The following IARS2 variants were observed in gnomAD, a reference collection of about 807,000 sequenced individuals.
The protein encoded by IARS2 is isoleucine--tRNA ligase, mitochondrial.
Under a neutral mutation model 126.3 loss-of-function variants are expected in IARS2, and 56 were observed. The ratio of observed to expected loss-of-function variants is 0.44; its 90% CI spans 0.36 to 0.55. The LOEUF is 0.55. Among genes scored for constraint, IARS2 ranks in the 20% least tolerant of loss-of-function variants. IARS2 has a pLI of 0.00. For synonymous variants in IARS2, 407 were observed against 441.1 expected (o/e 0.92, Z 0.97); for missense variants, 1,127 against 1,245.9 (o/e 0.90, Z 1.44).
intron 14 of IARS2, among the ~76,000 whole-genome samples, chr1:220,134,186 A>G (rs1216248194): frequency 1.3e-5 from 2 of 152,208 alleles, no homozygotes; most frequent in African/African-American, 2.4e-5. Flanking sequence ...ATTTCAGTAC[A>G]TCATTTCAGA....
At chr1:220,100,737 G>T in intron 3 of IARS2, 88 bp downstream of exon 3, 3 of 1,050,478 alleles carry the variant, frequency 2.9e-6, no homozygotes, top group Non-Finnish European at 2.7e-6. Context: ...GGAACCTTTT[G>T]TTTGGGTTTC....
intron 1 of IARS2, among the ~76,000 whole-genome samples, chr1:220,095,493 T>C (rs1656419814): frequency 6.6e-6 from 1 of 152,258 alleles, no homozygotes; most frequent in African/African-American, 2.4e-5. Context: ...TAAAGGTTTT[T>C]TAGTCAATAC....
At chr1:220,141,575 A>T (rs950842310) in intron 19 of IARS2, among the ~76,000 whole-genome samples, 1 of 152,222 alleles carries the variant, frequency 6.6e-6, no homozygotes, top group African/African-American at 2.4e-5. Flanking sequence ...TCTAGTTGTC[A>T]TCCACCTGAG....
chr1:220,127,581 T>A (rs1164946458), intron 14 of IARS2, among the ~76,000 whole-genome samples: 1 of 152,152 alleles, frequency 6.6e-6, no homozygotes, highest in Non-Finnish European at 1.5e-5. Flanking sequence ...AGGGATGAGA[T>A]GTCACGGAGG....
intron 19 of IARS2, 78 bp from the exon 20 acceptor site, chr1:220,141,725 C>G: frequency 1.4e-6 from 2 of 1,430,636 alleles, no homozygotes; most frequent in East Asian, 2.3e-5. Context: ...GGAATAAACT[C>G]AACCTGAGGC....
chr1:220,145,880 TTTTC>T (rs1333083952), intron 22 of IARS2, among the ~76,000 whole-genome samples: 3 of 152,088 alleles, frequency 2.0e-5, no homozygotes, highest in Admixed American at 1.3e-4. Context: ...GGGAGAGAGA[TTTTC>T]TTTCTGTCCT....
At chr1:220,117,898 G>A (rs768393822) in intron 12 of IARS2, 3 of 525,636 alleles carry the variant, frequency 5.7e-6, no homozygotes, top group South Asian at 4.3e-5. Flanking sequence ...AGAAATGACA[G>A]ACAAACTCAG....
intron 15 of IARS2, 134 bp downstream of exon 15, chr1:220,134,644 A>T: frequency 2.1e-6 from 1 of 474,464 alleles, no homozygotes; most frequent in Non-Finnish European, 3.7e-6. Flanking sequence ...GTAAAAAAAG[A>T]GAAAGGAAAA....
At chr1:220,139,950 T>C (rs1249622261) in intron 18 of IARS2, among the ~76,000 whole-genome samples, 1 of 152,204 alleles carries the variant, frequency 6.6e-6, no homozygotes, top group Admixed American at 6.5e-5. Flanking sequence ...TCTCATTCTT[T>C]CCTTAATTAA....
At chr1:220,094,546 G>T in intron 1 of IARS2, 63 bp downstream of exon 1, 2 of 1,394,920 alleles carry the variant, frequency 1.4e-6, no homozygotes, top group Non-Finnish European at 1.9e-6. Flanking sequence ...GGCACCGGGC[G>T]CTCGCAGGCG....
At chr1:220,137,164 A>C (rs752115082) in intron 16 of IARS2, among the ~76,000 whole-genome samples, 2 of 152,066 alleles carry the variant, frequency 1.3e-5, no homozygotes, top group Non-Finnish European at 1.5e-5. Context: ...AAATGTGTAG[A>C]TCCTTTTGTG....
At chr1:220,137,663 C>T (rs1386080211) in intron 16 of IARS2, 1 of 370,454 alleles carries the variant, frequency 2.7e-6, no homozygotes, top group African/African-American at 2.0e-5. Flanking sequence ...AGGAAACAGA[C>T]ATGACCAGGG....
Position 220,110,800 on chromosome 1 carries a change from C to A in IARS2, c.1342C>A (p.Gln448Lys), listed in dbSNP as rs1287308680. ...TTTTTTTAAAGTTATAAAGATGCTT[C>A]AGACTGCAAAGAATTTGTTGAAAGA... The part of the protein sequence containing the change: ...EGTDVVIKML[Q>K]TAKNLLKEEK... Residue 448 changes from glutamine to lysine, a missense_variant, in exon 11 of 23, where the codon CAG becomes AAG. By Grantham distance (53) the Gln-to-Lys change is moderately conservative (BLOSUM62 1). Coordinates refer to ENST00000366922, the MANE Select transcript of IARS2 (RefSeq NM_018060.4). 1 of 1,602,120 alleles carries A rather than the reference C, an allele frequency of 6.2e-7. No homozygotes were observed. Among genetic ancestry groups the A allele is most frequent in the Non-Finnish European group, 8.5e-7 (1 of 1,171,776 alleles).
chr1:220,127,239 A>G (rs1657172241), intron 14 of IARS2, among the ~76,000 whole-genome samples: 1 of 152,218 alleles, frequency 6.6e-6, no homozygotes, highest in African/African-American at 2.4e-5. Context: ...AAATTAGGTG[A>G]TGGTCACATA....
At chr1:220,146,985 A>G (rs1032248565) in intron 22 of IARS2, among the ~76,000 whole-genome samples, 1 of 152,088 alleles carries the variant, frequency 6.6e-6, no homozygotes, top group East Asian at 1.9e-4. Context: ...TAATGTTCAC[A>G]TACTCTTTGT....
At position 220,103,874 on chromosome 1, in the gene IARS2, G is replaced by A. The variant is rs182690292; in HGVS notation, c.1066+312G>A. Among the ~76,000 whole-genome samples the A allele has an allele frequency of 1.8e-3, 275 of 152,230 alleles. 1 individual carries two copies. The highest frequency in any genetic ancestry group is 6.3e-3 in the African/African-American group (262 of 41,550). ...CTGTTTTAATAAAAGTAGCAAGAAA[G>A]GAAATGCATATACTTATTTTTCGAT... On this transcript the variant is annotated intron_variant, in intron 8 of 22. Coordinates refer to ENST00000366922, the MANE Select transcript of IARS2 (RefSeq NM_018060.4).
Position 220,100,577 on chromosome 1 carries a change from A to G in IARS2, c.478A>G (p.Ile160Val), listed in dbSNP as rs1417496063. ...CGGCTGGGATTGTCATGGGTTGCCCATTGAAATAAAAGTATTATCAGAACT... is the reference window on the plus strand; with the variant it reads ...CGGCTGGGATTGTCATGGGTTGCCCGTTGAAATAAAAGTATTATCAGAACT... ...VPGWDCHGLP[I>V]EIKVLSELGR... Residue 160 changes from isoleucine (I) to valine (V), a missense_variant, in exon 3 of 23, where the codon ATT becomes GTT. By Grantham distance (29) the Ile-to-Val change is conservative. Transcript: ENST00000366922. 1 of 1,613,312 alleles carries G rather than the reference A, an allele frequency of 6.2e-7. No homozygotes were observed.
rs199649609 is a variant in IARS2, at chr1:220,110,770, GT to G, written c.1328-5del. On this transcript the variant is annotated splice_polypyrimidine_tract_variant and intron_variant, in intron 10 of 22. Coordinates refer to ENST00000366922, the MANE Select transcript of IARS2 (RefSeq NM_018060.4). ...ACTTTTTAATTATGTCTAATTTGGT[GT>G]TTTTTTTTTTAAAGTTATAAAGATG... The G allele has an allele frequency of 0.028, 33,896 of 1,202,544 alleles. 465 individuals are homozygous for G. Among genetic ancestry groups the G allele is most frequent in the East Asian group, 0.13 (4,575 of 35,438 alleles). The allele number at this position is 1,202,544 out of a possible 1,614,324, so 74.5% of individuals were successfully genotyped here.
At chr1:220,102,080 A>G (rs1450043637) in intron 3 of IARS2, 49 bp from the exon 4 acceptor site, 1 of 1,522,204 alleles carries the variant, frequency 6.6e-7, no homozygotes, top group East Asian at 2.3e-5. Context: ...CATGTTTAAG[A>G]ATTCGAATTC....
Sources: gnomAD v4.1 joint callset for allele counts (sites outside exome capture counted in the v4.1 genomes callset) on GRCh38, gnomAD v4.1.1 for gene constraint, MANE v1.5 for transcripts, NCBI Gene and HGNC (gene_info 2026-07-23, HGNC 2026-07-21) for gene names.